The following NRXN1 variants were observed in gnomAD, a reference collection of about 807,000 sequenced individuals.
NRXN1 encodes the protein neurexin-1.
Under a neutral mutation model 150.9 loss-of-function variants are expected in NRXN1, and 39 were observed. That is an observed-to-expected ratio of 0.26 (90% CI 0.20 to 0.34). NRXN1 has a LOEUF of 0.34. Ranked by LOEUF, NRXN1 falls within the 10% of genes least tolerant of loss-of-function variation. NRXN1 has a pLI of 1.00. For missense variants in NRXN1, 1,815 were observed against 1,949.9 expected (o/e 0.93, Z 1.30); for synonymous variants, 924 against 757.0 (o/e 1.22, Z -3.62).
chr2:50,960,931 T>C (rs920451578), intron 2 of NRXN1, among the ~76,000 whole-genome samples: 3 of 152,004 alleles, frequency 2.0e-5, no homozygotes, highest in Admixed American at 2.0e-4. Flanking sequence ...AAAGCTAACA[T>C]AATTTAAGCA....
At chr2:50,957,704 AAG>A (rs1251241984) in intron 2 of NRXN1, among the ~76,000 whole-genome samples, 1 of 152,200 alleles carries the variant, frequency 6.6e-6, no homozygotes. Context: ...TTTAATCCAG[AAG>A]AGAAAAAGTG....
At chr2:50,532,964 G>C (rs2093158221) in intron 10 of NRXN1, among the ~76,000 whole-genome samples, 1 of 152,116 alleles carries the variant, frequency 6.6e-6, no homozygotes, top group Non-Finnish European at 1.5e-5. Flanking sequence ...TCATTATTTT[G>C]CCTACTTACA....
chr2:50,330,053 T>C (rs1027766650), intron 17 of NRXN1, among the ~76,000 whole-genome samples: 5 of 152,106 alleles, frequency 3.3e-5, no homozygotes, highest in Non-Finnish European at 5.9e-5. Flanking sequence ...GTCTAGATGA[T>C]ATGCCACGTA....
intron 5 of NRXN1, among the ~76,000 whole-genome samples, chr2:50,834,657 G>A (rs1379844314): frequency 3.9e-5 from 6 of 152,028 alleles, no homozygotes; most frequent in African/African-American, 2.4e-5. Context: ...AAACCTCTTT[G>A]ATCCTCAGTT....
intron 17 of NRXN1, among the ~76,000 whole-genome samples, chr2:50,366,496 A>G (rs1010112784): frequency 3.3e-5 from 5 of 151,962 alleles, no homozygotes; most frequent in Admixed American, 6.6e-5. Context: ...CCTGGCAAGT[A>G]GAACCATTTG....
chr2:50,680,470 T>A (rs957840368), intron 5 of NRXN1, among the ~76,000 whole-genome samples: 2 of 152,022 alleles, frequency 1.3e-5, no homozygotes, highest in African/African-American at 4.8e-5. Flanking sequence ...ACTATAGATA[T>A]AGGTAAAATA....
intron 18 of NRXN1, among the ~76,000 whole-genome samples, chr2:50,177,814 C>CT (rs2060449200): frequency 7.1e-6 from 1 of 140,074 alleles, no homozygotes; most frequent in African/African-American, 2.7e-5. Flanking sequence ...TCTCTCTCCT[C>CT]CTCTCCCTCC....
chr2:50,989,275 T>A (rs987133590), intron 2 of NRXN1, among the ~76,000 whole-genome samples: 1 of 152,016 alleles, frequency 6.6e-6, no homozygotes, highest in African/African-American at 2.4e-5. Context: ...TTCATCTCAT[T>A]ACTATGACTA....
At chr2:50,582,639 C>G (rs193007831) in intron 8 of NRXN1, among the ~76,000 whole-genome samples, 1 of 149,362 alleles carries the variant, frequency 6.7e-6, no homozygotes, top group Admixed American at 6.7e-5. Flanking sequence ...CATCTCTGTT[C>G]TTTATTAACC....
intron 21 of NRXN1, among the ~76,000 whole-genome samples, chr2:49,990,517 C>T (rs1173732886): frequency 6.6e-6 from 1 of 152,036 alleles, no homozygotes; most frequent in South Asian, 2.1e-4. Flanking sequence ...CATGGAGAAG[C>T]AGAGATGTGA....
chr2:50,330,327 C>G (rs2076754573), intron 17 of NRXN1, among the ~76,000 whole-genome samples: 1 of 152,106 alleles, frequency 6.6e-6, no homozygotes, highest in African/African-American at 2.4e-5. Context: ...ATTATAATCA[C>G]TAATAACCAA....
At chr2:50,746,511 T>A (rs1038177695) in intron 5 of NRXN1, among the ~76,000 whole-genome samples, 11 of 152,036 alleles carry the variant, frequency 7.2e-5, no homozygotes, top group African/African-American at 2.7e-4. Flanking sequence ...TGAGCCATGA[T>A]TATGATACTA....
At chr2:50,313,360 G>C (rs2075333762) in intron 17 of NRXN1, among the ~76,000 whole-genome samples, 1 of 152,014 alleles carries the variant, frequency 6.6e-6, no homozygotes, top group Non-Finnish European at 1.5e-5. Flanking sequence ...TAGGATGAGT[G>C]TTTATTTAGT....
intron 2 of NRXN1, among the ~76,000 whole-genome samples, chr2:51,003,018 T>C (rs1006862238): frequency 6.6e-6 from 1 of 151,868 alleles, no homozygotes; most frequent in Non-Finnish European, 1.5e-5. Context: ...CTCTTCCAAC[T>C]GAAAGAACTG....
chr2:50,407,113 T>C (rs1300138367), intron 17 of NRXN1, among the ~76,000 whole-genome samples: 1 of 152,200 alleles, frequency 6.6e-6, no homozygotes, highest in African/African-American at 2.4e-5. Context: ...TCAAATTGTG[T>C]ATTTTTTAAA....
At chr2:50,504,891 T>G (rs2092140450) in intron 13 of NRXN1, among the ~76,000 whole-genome samples, 1 of 152,140 alleles carries the variant, frequency 6.6e-6, no homozygotes, top group East Asian at 1.9e-4. Flanking sequence ...CCAGCATCAT[T>G]CTTTCTTGTC....
intron 17 of NRXN1, among the ~76,000 whole-genome samples, chr2:50,263,127 T>C (rs542961326): frequency 6.6e-6 from 1 of 150,912 alleles, no homozygotes; most frequent in Admixed American, 6.7e-5. Flanking sequence ...GGCAAGGTGA[T>C]GATCATTTTT....
At chr2:50,149,575 C>T (rs1283068732) in intron 18 of NRXN1, among the ~76,000 whole-genome samples, 1 of 151,662 alleles carries the variant, frequency 6.6e-6, no homozygotes, top group Admixed American at 6.6e-5. Flanking sequence ...TCCTGGGCTC[C>T]CATAGCACCT....
chr2:50,839,002 C>T (rs938010710), intron 5 of NRXN1, among the ~76,000 whole-genome samples: 1 of 152,116 alleles, frequency 6.6e-6, no homozygotes, highest in Non-Finnish European at 1.5e-5. Flanking sequence ...TCAGACAGAA[C>T]TCTAGAATCA....
Sources: gnomAD v4.1 joint callset for allele counts (sites outside exome capture counted in the v4.1 genomes callset) on GRCh38, gnomAD v4.1.1 for gene constraint, MANE v1.5 for transcripts, NCBI Gene and HGNC (gene_info 2026-07-23, HGNC 2026-07-21) for gene names.